Variants in PDE2A observed in about 807,000 individuals in gnomAD.
PDE2A encodes phosphodiesterase 2A, also known as cGMP-dependent 3',5'-cyclic phosphodiesterase.
PDE2A carries 53 observed loss-of-function variants against 133.6 expected under a neutral mutation model. The observed-to-expected ratio is 0.40, with a 90% CI of 0.32 to 0.50. The LOEUF is 0.50. Among genes scored for constraint, PDE2A ranks in the 20% least tolerant of loss-of-function variants. The pLI, the probability that PDE2A is intolerant of heterozygous loss-of-function variation, is 0.73. For synonymous variants in PDE2A, 491 were observed against 490.2 expected, an observed-to-expected ratio of 1.00 and a Z score of -0.02; for missense variants, 796 against 1,232.4, an observed-to-expected ratio of 0.65 and a Z score of 5.30.
chr11:72,612,769 C>G (rs1324100949), intron 2 of PDE2A, among the ~76,000 whole-genome samples: 1 of 151,962 alleles, frequency 6.6e-6, no homozygotes, highest in Admixed American at 6.6e-5. Flanking sequence ...TCTGCTCTCT[C>G]CAGCTCCACC....
intron 1 of PDE2A, among the ~76,000 whole-genome samples, chr11:72,648,902 T>C (rs1250677272): frequency 6.6e-6 from 1 of 152,116 alleles, no homozygotes; most frequent in Non-Finnish European, 1.5e-5. Flanking sequence ...CTCAAGCACA[T>C]GCTCACACAG....
chr11:72,593,077 C>T (rs974093952), intron 6 of PDE2A, among the ~76,000 whole-genome samples: 3 of 151,910 alleles, frequency 2.0e-5, no homozygotes, highest in African/African-American at 7.3e-5. Context: ...CTGCCTTGGC[C>T]TACTTGCACC....
At chr11:72,638,958 A>G (rs900723499) in intron 2 of PDE2A, among the ~76,000 whole-genome samples, 2 of 152,062 alleles carry the variant, frequency 1.3e-5, no homozygotes, top group African/African-American at 2.4e-5. Flanking sequence ...GCCCACCCCA[A>G]CACCCCCTTC....
At chr11:72,654,222 G>T (rs1267931095) in intron 1 of PDE2A, among the ~76,000 whole-genome samples, 1 of 152,210 alleles carries the variant, frequency 6.6e-6, no homozygotes, top group East Asian at 1.9e-4. Flanking sequence ...GCTGGGACCA[G>T]GGGAGGCAGG....
At chr11:72,595,454 C>T (rs780139721) in intron 6 of PDE2A, among the ~76,000 whole-genome samples, 17 of 152,086 alleles carry the variant, frequency 1.1e-4, no homozygotes, top group Admixed American at 8.5e-4. Flanking sequence ...AACCAAGCAG[C>T]GGCCTTGGCT....
At chr11:72,655,880 C>G (rs1253952240) in intron 1 of PDE2A, among the ~76,000 whole-genome samples, 1 of 152,190 alleles carries the variant, frequency 6.6e-6, no homozygotes, top group Non-Finnish European at 1.5e-5. Context: ...CCCTAACCCT[C>G]GGGCCCCCCA....
chr11:72,638,234 T>C (rs1858791066), intron 2 of PDE2A, among the ~76,000 whole-genome samples: 1 of 152,188 alleles, frequency 6.6e-6, no homozygotes, highest in Non-Finnish European at 1.5e-5. Context: ...CTGGAGCTAC[T>C]GGTAAAAGAA....
intron 17 of PDE2A, 65 bp from the exon 18 acceptor site, chr11:72,584,793 A>T (rs1020552712): frequency 6.2e-7 from 1 of 1,609,712 alleles, no homozygotes; most frequent in African/African-American, 1.3e-5. Context: ...GGGACTGTTA[A>T]ACCTCGGGCC....
intron 1 of PDE2A, among the ~76,000 whole-genome samples, chr11:72,669,370 C>G (rs1855330510): frequency 6.6e-6 from 1 of 152,122 alleles, no homozygotes; most frequent in Non-Finnish European, 1.5e-5. Flanking sequence ...CACCAAGCCC[C>G]AGTTGCCTCC....
chr11:72,611,555 C>G (rs1857212734), intron 2 of PDE2A, among the ~76,000 whole-genome samples: 1 of 152,068 alleles, frequency 6.6e-6, no homozygotes, highest in Non-Finnish European at 1.5e-5. Flanking sequence ...CTTTTCAGGC[C>G]AAGTGCAGGA....
intron 14 of PDE2A, 60 bp from the exon 15 acceptor site, chr11:72,585,653 C>A: frequency 6.6e-7 from 1 of 1,503,798 alleles, no homozygotes. Flanking sequence ...CCCTATCCAA[C>A]CTCCTGCCTC....
rs200272571 is a variant in PDE2A at position 72,605,279 on chromosome 11, AGTCCCAGCCT to A, written c.235-63_235-54del. 2,497 of 1,148,088 alleles carry A rather than the reference AGTCCCAGCCT, an allele frequency of 2.2e-3. 41 individuals are homozygous for A. In the African/African-American group the frequency reaches 0.032, roughly 15 times the overall value. 71.1% of individuals were successfully genotyped at this position (1,148,088 alleles called of 1,614,324 possible). On this transcript the variant is annotated intron_variant, in intron 3 of 30. Coordinates refer to ENST00000334456, the MANE Select transcript of PDE2A (RefSeq NM_002599.5). Reference sequence around the variant, plus strand: ...TGTGGAGAGGCCCTCCCAGCTGCCCAGTCCCAGCCTGTACACAGGGGTCTGTGGGGCAAGG... The same window carrying A: ...TGTGGAGAGGCCCTCCCAGCTGCCCAGTACACAGGGGTCTGTGGGGCAAGG...
intron 2 of PDE2A, among the ~76,000 whole-genome samples, chr11:72,620,891 G>A (rs1857736072): frequency 6.6e-6 from 1 of 151,938 alleles, no homozygotes. Flanking sequence ...GAGGAGGGCT[G>A]TGGGTGTAAG....
intron 2 of PDE2A, among the ~76,000 whole-genome samples, chr11:72,633,653 G>C (rs1204604801): frequency 6.6e-6 from 1 of 152,124 alleles, no homozygotes. Flanking sequence ...GCATGGGTGT[G>C]CATCCCAGTC....
chr11:72,673,771 T>C (rs535446294), intron 1 of PDE2A, among the ~76,000 whole-genome samples: 1 of 151,570 alleles, frequency 6.6e-6, no homozygotes, highest in African/African-American at 2.4e-5. Flanking sequence ...AACCAGCCTA[T>C]TGCAGCCCCG....
chr11:72,639,511 C>T (rs928819118), intron 2 of PDE2A, among the ~76,000 whole-genome samples: 1 of 152,170 alleles, frequency 6.6e-6, no homozygotes, highest in African/African-American at 2.4e-5. Context: ...CCAACAGGCG[C>T]CACCAAAGAC....
chr11:72,584,114 G>A, intron 19 of PDE2A, 87 bp downstream of exon 19: 1 of 726,516 alleles, frequency 1.4e-6, no homozygotes, highest in East Asian at 2.7e-5. Context: ...AATCCACAAG[G>A]AGAGTCAGTC....
At chr11:72,620,594 C>A (rs959039961) in intron 2 of PDE2A, among the ~76,000 whole-genome samples, 5 of 152,130 alleles carry the variant, frequency 3.3e-5, no homozygotes, top group African/African-American at 9.7e-5. Context: ...GGGTAAAGGT[C>A]CCAAAAGACA....
intron 13 of PDE2A, among the ~76,000 whole-genome samples, chr11:72,586,454 C>A (rs1285318081): frequency 6.6e-6 from 1 of 151,976 alleles, no homozygotes; most frequent in East Asian, 1.9e-4. Flanking sequence ...TGGGTCTCCT[C>A]CCTCAGACTA....
Sources: allele counts gnomAD v4.1 joint callset (sites outside exome capture counted in the v4.1 genomes callset), GRCh38; gene constraint gnomAD v4.1.1; transcripts MANE v1.5; gene names NCBI Gene and HGNC (gene_info 2026-07-23, HGNC 2026-07-21).